The following LYST variants were observed in gnomAD, a reference collection of about 807,000 sequenced individuals.
The protein encoded by LYST is lysosomal-trafficking regulator.
LYST carries 192 observed loss-of-function variants against 413.6 expected under a neutral mutation model. That is an observed-to-expected ratio of 0.46 (90% CI 0.41 to 0.52). LYST has a LOEUF of 0.52. Among genes scored for constraint, LYST ranks in the 20% least tolerant of loss-of-function variants. LYST has a pLI of 0.00. For synonymous variants in LYST, 1,525 were observed against 1,567.3 expected (o/e 0.97, Z 0.64); for missense variants, 3,815 against 4,499.9 (o/e 0.85, Z 4.35).
intron 16 of LYST, among the ~76,000 whole-genome samples, chr1:235,779,176 A>C (rs765751610): frequency 2.0e-5 from 3 of 152,052 alleles, no homozygotes; most frequent in Non-Finnish European, 4.4e-5. Context: ...CGAGGGTACC[A>C]CTTCTCCCTA....
At chr1:235,768,568 C>A (rs1199420835) in intron 20 of LYST, among the ~76,000 whole-genome samples, 1 of 151,980 alleles carries the variant, frequency 6.6e-6, no homozygotes, top group Non-Finnish European at 1.5e-5. Flanking sequence ...GATAAGTGGG[C>A]TCTTTGAACA....
chr1:235,816,320 A>G (rs556502349), intron 3 of LYST, among the ~76,000 whole-genome samples: 1 of 149,864 alleles, frequency 6.7e-6, no homozygotes, highest in Admixed American at 6.6e-5. Context: ...ATGTGCCTGT[A>G]GTCCCAGCTA....
intron 31 of LYST, chr1:235,738,592 T>A: frequency 6.2e-7 from 1 of 1,609,726 alleles, no homozygotes; most frequent in Non-Finnish European, 8.5e-7. Context: ...GATTCTAGTG[T>A]GCCTGTATGG....
At chr1:235,679,370 CCCTTCCT>C (rs1337184304) in intron 48 of LYST, among the ~76,000 whole-genome samples, 10 of 152,020 alleles carry the variant, frequency 6.6e-5, no homozygotes, top group African/African-American at 1.9e-4. Flanking sequence ...GGACCTGAGC[CCCTTCCT>C]TTTCTGCTTG....
intron 31 of LYST, chr1:235,738,092 TGGCATGGCCTGTGCCATC>T: frequency 6.2e-7 from 1 of 1,605,420 alleles, no homozygotes; most frequent in Non-Finnish European, 8.5e-7. Context: ...TTGGTGCTCT[TGGCATGGCCTGTGCCATC>T]GGTATCTTAA....
chr1:235,673,186 C>G (rs1364750258), intron 50 of LYST, among the ~76,000 whole-genome samples: 2 of 152,158 alleles, frequency 1.3e-5, no homozygotes, highest in Non-Finnish European at 2.9e-5. Context: ...CCCACCAAAG[C>G]AATGTTAAAA....
At position 235,810,222 on chromosome 1, in the gene LYST, T is replaced by C. The variant is rs775288121; in HGVS notation, c.596A>G (p.Asp199Gly). The change falls in exon 5 of 53, where the codon GAC becomes GGC. Residue 199 changes from aspartate to glycine, a missense_variant. By Grantham distance (94) the Asp-to-Gly change is moderately conservative. Transcript: ENST00000389793. The part of the protein sequence containing the change: ...HHFLTSFPKQ[D>G]HPKAKLDRLA... ...GCGGTCAAGTTTAGCTTTGGGGTGG[T>C]CTTGTTTAGGAAACGATGTTAAAAA... The C allele has an allele frequency of 6.2e-7, 1 of 1,614,090 alleles. No individual in the cohort carries two copies. Among genetic ancestry groups the C allele is most frequent in the Admixed American group, 1.7e-5 (1 of 60,016 alleles).
At chr1:235,669,453 C>A (rs1362548002) in intron 50 of LYST, among the ~76,000 whole-genome samples, 1 of 152,254 alleles carries the variant, frequency 6.6e-6, no homozygotes, top group Admixed American at 6.5e-5. Context: ...AATTGGCTGT[C>A]TGCAACCAAT....
chr1:235,697,504 T>A (rs1194722734), intron 45 of LYST, among the ~76,000 whole-genome samples: 1 of 152,186 alleles, frequency 6.6e-6, no homozygotes, highest in Non-Finnish European at 1.5e-5. Context: ...TGAAAATATG[T>A]GGTTAATAAT....
intron 28 of LYST, among the ~76,000 whole-genome samples, chr1:235,747,539 A>C (rs1666046686): frequency 6.6e-6 from 1 of 152,140 alleles, no homozygotes; most frequent in East Asian, 1.9e-4. Flanking sequence ...TGAGGCAAAA[A>C]AAAAAGAAAA....
chr1:235,689,340 T>C (rs1364212696), intron 47 of LYST, among the ~76,000 whole-genome samples: 2 of 152,222 alleles, frequency 1.3e-5, no homozygotes, highest in African/African-American at 4.8e-5. Context: ...TCCTGTTATT[T>C]GTGATAACAC....
Position 235,792,002 on chromosome 1 carries a change from A to ACTTT in LYST, c.4236_4239dup (p.Tyr1414LysfsTer9). ...GCCTTACTGTTTAAAATCCCAGGAT[A>ACTTT]CTTTTGTGATGAAACACCGTTGCTT... On this transcript the variant is annotated frameshift_variant, in exon 12 of 53. Transcript: ENST00000389793. LOFTEE classifies it high-confidence loss of function. 1 of 1,614,124 alleles carries ACTTT rather than the reference A, an allele frequency of 6.2e-7. No homozygotes were observed. Among genetic ancestry groups the ACTTT allele is most frequent in the Non-Finnish European group, 8.5e-7 (1 of 1,179,980 alleles).
chr1:235,879,492 C>T (rs1681281728), intron 1 of LYST, among the ~76,000 whole-genome samples: 1 of 152,150 alleles, frequency 6.6e-6, no homozygotes, highest in Non-Finnish European at 1.5e-5. Context: ...AGACACCTGA[C>T]AACATGTGTG....
chr1:235,748,944 G>A (rs1489736530), intron 28 of LYST, among the ~76,000 whole-genome samples: 1 of 152,122 alleles, frequency 6.6e-6, no homozygotes, highest in African/African-American at 2.4e-5. Context: ...TAGTGGCAGT[G>A]GGGCTGGAGG....
At chr1:235,728,253 C>G in intron 37 of LYST, 122 bp from the exon 38 acceptor site, 1 of 725,232 alleles carries the variant, frequency 1.4e-6, no homozygotes, top group Non-Finnish European at 2.5e-6. Context: ...CGACACAGTT[C>G]CTGGCACTCA....
chr1:235,667,470 C>A (rs1005075209), intron 50 of LYST, among the ~76,000 whole-genome samples: 2 of 152,130 alleles, frequency 1.3e-5, no homozygotes, highest in Admixed American at 1.3e-4. Context: ...AAATTATGAT[C>A]AGGAGGAATG....
intron 14 of LYST, among the ~76,000 whole-genome samples, chr1:235,785,194 T>C (rs532974333): frequency 3.2e-4 from 48 of 152,322 alleles, no homozygotes; most frequent in African/African-American, 1.1e-3. Flanking sequence ...GGTCTCAGGT[T>C]TAATACCCTG....
At chr1:235,754,158 G>C (rs779695101) in intron 25 of LYST, among the ~76,000 whole-genome samples, 4 of 151,756 alleles carry the variant, frequency 2.6e-5, no homozygotes, top group South Asian at 2.1e-4. Flanking sequence ...GGAGAGTAAG[G>C]CGTTCCTATA....
intron 1 of LYST, among the ~76,000 whole-genome samples, chr1:235,837,116 G>A (rs141536165): frequency 6.6e-6 from 1 of 152,310 alleles, no homozygotes; most frequent in East Asian, 1.9e-4. Context: ...AATGAACAGC[G>A]AGGACCTAGA....
Sources: allele counts gnomAD v4.1 joint callset (sites outside exome capture counted in the v4.1 genomes callset), GRCh38; gene constraint gnomAD v4.1.1; transcripts MANE v1.5; gene names NCBI Gene and HGNC (gene_info 2026-07-23, HGNC 2026-07-21).